HMX1: variants seen among roughly 807,000 people sequenced by gnomAD.
The protein encoded by HMX1 is H6 family homeobox 1, also known as homeobox protein HMX1.
In HMX1, 8 loss-of-function variants were observed where a neutral mutation model predicts 8.9. The ratio of observed to expected loss-of-function variants is 0.90; its 90% CI spans 0.53 to 1.63. The LOEUF is 1.63. Ranked by LOEUF, HMX1 falls within the 40% of genes most tolerant of loss-of-function variation. The probability of loss-of-function intolerance (pLI) is 0.00; values close to 1 mark genes in which losing one functional copy is unlikely to be tolerated. For synonymous variants in HMX1, 311 were observed against 283.4 expected, an observed-to-expected ratio of 1.10 and a Z score of -0.98; for missense variants, 621 against 558.5, an observed-to-expected ratio of 1.11 and a Z score of -1.13.
rs1430034583 is a variant in HMX1 at position 8,847,541 on chromosome 4, G to C, written c.395-1217C>G. On this transcript the variant is annotated intron_variant, in intron 1 of 1. Coordinates refer to the HMX1 transcript ENST00000506970. The surrounding 1 kb of genome is among the most constrained non-coding windows in gnomAD (Gnocchi z 6.0). ...ACAACTCCTGTCCCGAGAGCAGGCG[G>C]ACCTGAAGGAACATCGGCCAGACAC... Among the ~76,000 whole-genome samples the C allele has an allele frequency of 1.3e-5, 2 of 152,210 alleles. No homozygotes were observed. The highest frequency in any genetic ancestry group is 3.9e-4 in the East Asian group (2 of 5,178).
downstream of HMX1, among the ~76,000 whole-genome samples, chr4:8,864,930 A>T (rs1721947951): frequency 6.6e-6 from 1 of 152,210 alleles, no homozygotes; most frequent in Admixed American, 6.5e-5. Context: ...CACTCTCTCC[A>T]AATCTACCCT....
At chr4:8,866,932 G>T, downstream of HMX1, 1 of 320,628 alleles carries the variant, frequency 3.1e-6, no homozygotes, top group Non-Finnish European at 4.5e-6. Context: ...CCTGCACCTG[G>T]CCCAGCCCTG....
rs1722058003 is a variant in HMX1, at chr4:8,867,813, G to A, written c.927C>T (p.Ala309=). 2 of 1,226,998 alleles carry A rather than the reference G, an allele frequency of 1.6e-6. No homozygotes were observed. Among genetic ancestry groups the A allele is most frequent in the East Asian group, 3.3e-5 (1 of 30,328 alleles). 76.0% of individuals were successfully genotyped at this position (1,226,998 alleles called of 1,614,324 possible). A position where few individuals can be genotyped will look rare whatever the true frequency, so the allele number is the denominator to read the frequency against. Residue 309 remains alanine, a synonymous_variant, in exon 2 of 2, where the codon GCC becomes GCT. Transcript: ENST00000400677. Reference sequence around the variant, plus strand: ...GCAGCGGTGGGGGCGGCGCGGGCGCGGCGGGCGCCAGCGGGAAGGGCAGGG... The same window carrying A: ...GCAGCGGTGGGGGCGGCGCGGGCGCAGCGGGCGCCAGCGGGAAGGGCAGGG... ...PATLPFPLAP[A]APAPPPPLLG...
chr4:8,871,286 C>T lies in HMX1; in HGVS notation c.329G>A (p.Cys110Tyr). 1 of 1,462,762 alleles carries T rather than the reference C, an allele frequency of 6.8e-7. No homozygotes were observed. The highest frequency in any genetic ancestry group is 9.0e-7 in the Non-Finnish European group (1 of 1,114,074). The allele number at this position is 1,462,762 out of a possible 1,614,324, so 90.6% of individuals were successfully genotyped here. A position where few individuals can be genotyped will look rare whatever the true frequency, so the allele number is the denominator to read the frequency against. ...TGGGTACCAGCGCGCTGCGCCTCCG[C>T]AGCCCAGAGCGAAGGGCGGCCCGGG... The part of the protein sequence containing the change: ...PGPGPPFALG[C>Y]GGAARWYPRA... Residue 110 changes from cysteine (C) to tyrosine (Y), a missense_variant, in exon 1 of 2, where the codon TGC (cysteine) becomes TAC (tyrosine). Coordinates refer to ENST00000400677, the MANE Select transcript of HMX1 (RefSeq NM_018942.3). The surrounding 1 kb of genome is among the most constrained non-coding windows in gnomAD (Gnocchi z 4.8).
rs1420094114 is a variant in HMX1 at position 8,870,763 on chromosome 4, G to T, written c.394+458C>A. 6.7e-6 allele frequency among the ~76,000 whole-genome samples: 1 copy of T among 149,848 alleles called. No individual in the cohort carries two copies. The highest frequency in any genetic ancestry group is 2.5e-5 in the African/African-American group (1 of 40,500). On this transcript the variant is annotated intron_variant, in intron 1 of 1. Coordinates refer to ENST00000400677, the MANE Select transcript of HMX1 (RefSeq NM_018942.3). This position sits in a 1 kb window ranked among gnomAD's most constrained non-coding sequence, Gnocchi z 4.4. ...ATCTCTTCCTCCTCTTTTCTCTCTC[G>T]GATCACTCTTGGGTTTCTTTTTCCT...
chr4:8,868,201 G>A lies in HMX1; in HGVS notation c.539C>T (p.Ser180Leu). ...CGCCGCAGGGACCTCGGCCAGCTCC[G>A]ACGCCTCCTCCGTGCCGGCCGCCGG... Reference protein sequence around the residue: ...RGPAAGTEEASELAEVPAAAG... With the variant: ...RGPAAGTEEALELAEVPAAAG... Residue 180 changes from serine to leucine, a missense_variant, in exon 2 of 2, where the codon TCG (serine) becomes TTG (leucine). By Grantham distance (145) the Ser-to-Leu change is moderately radical. Transcript: ENST00000400677. This position sits in a 1 kb window ranked among gnomAD's most constrained non-coding sequence, Gnocchi z 4.6. 9 of 1,474,446 alleles carry A rather than the reference G, an allele frequency of 6.1e-6. No individual in the cohort carries two copies. The highest frequency in any genetic ancestry group is 1.5e-5 in the African/African-American group (1 of 68,452). 91.3% of individuals were successfully genotyped at this position (1,474,446 alleles called of 1,614,324 possible).
intron 1 of HMX1, chr4:8,846,436 C>T: frequency 1.3e-6 from 1 of 779,176 alleles, no homozygotes; most frequent in Non-Finnish European, 2.0e-6. Context: ...AAACCTGGCT[C>T]ACAGAGTGGT....
chr4:8,848,910 A>T lies in HMX1; in HGVS notation c.395-2586T>A, dbSNP rs778135808. Reference sequence around the variant, plus strand: ...AGCCTCACCTTCCAACTACAAAGAGAAAAATGTTCCCTCTGTGAAAAGGTG... The same window carrying T: ...AGCCTCACCTTCCAACTACAAAGAGTAAAATGTTCCCTCTGTGAAAAGGTG... On this transcript the variant is annotated intron_variant, in intron 1 of 1. Coordinates refer to the HMX1 transcript ENST00000506970. The surrounding 1 kb of genome is among the most constrained non-coding windows in gnomAD (Gnocchi z 4.1). Among the ~76,000 whole-genome samples the T allele has an allele frequency of 2.0e-5, 3 of 152,184 alleles. No homozygotes were observed. The highest frequency in any genetic ancestry group is 2.9e-5 in the Non-Finnish European group (2 of 68,040).
intron 1 of HMX1, among the ~76,000 whole-genome samples, chr4:8,858,145 G>A (rs1399556657): frequency 6.6e-6 from 1 of 152,096 alleles, no homozygotes; most frequent in Non-Finnish European, 1.5e-5. Context: ...CCGTCCATTT[G>A]GGGGAAATGG....
At position 8,871,504 on chromosome 4, in the gene HMX1, C is replaced by A; in HGVS notation, c.111G>T (p.Gln37His). ...AEAKGAGRAT[Q>H]GDGSREDEEE... ...CCTCGTCCTCCCGGCTGCCGTCGCCCTGGGTCGCGCGCCCTGCGCCCTTGG... is the reference window on the plus strand; with the variant it reads ...CCTCGTCCTCCCGGCTGCCGTCGCCATGGGTCGCGCGCCCTGCGCCCTTGG... The change falls in exon 1 of 2, where the codon CAG becomes CAT. Residue 37 changes from glutamine to histidine, a missense_variant. Physicochemically the swap from Gln to His is conservative, Grantham distance 24 (BLOSUM62 0). Transcript: ENST00000400677. This position sits in a 1 kb window ranked among gnomAD's most constrained non-coding sequence, Gnocchi z 4.8. 7.4e-7 allele frequency: 1 copy of A among 1,343,018 alleles called. No homozygotes were observed. Among genetic ancestry groups the A allele is most frequent in the Non-Finnish European group, 9.6e-7 (1 of 1,046,998 alleles). The allele number at this position is 1,343,018 out of a possible 1,614,324, so 83.2% of individuals were successfully genotyped here.
intron 1 of HMX1, among the ~76,000 whole-genome samples, chr4:8,857,382 A>C (rs1721641339): frequency 6.6e-6 from 1 of 151,928 alleles, no homozygotes; most frequent in Non-Finnish European, 1.5e-5. Context: ...CCCCCTCCCC[A>C]GGTAGGAGGC....
At position 8,852,265 on chromosome 4, in the gene HMX1, C is replaced by T. The variant is rs370872795; in HGVS notation, c.395-5941G>A. Among the ~76,000 whole-genome samples, 55 of 152,364 alleles carry T rather than the reference C, an allele frequency of 3.6e-4. No individual in the cohort carries two copies. In the East Asian group the frequency reaches 6.6e-3, roughly 18 times the overall value. ...CAGCAAGGCAGACATCCAGTGAACG[C>T]GGCTGCAGGGAGGTGTCGAACCTGC... is the stretch of plus-strand genomic sequence containing the variant. On this transcript the variant is annotated intron_variant, in intron 1 of 1. Coordinates refer to the HMX1 transcript ENST00000506970.
At chr4:8,860,149 G>A (rs981711028) in intron 1 of HMX1, among the ~76,000 whole-genome samples, 3 of 152,252 alleles carry the variant, frequency 2.0e-5, no homozygotes, top group African/African-American at 7.2e-5. Flanking sequence ...CCCCGGGTGC[G>A]CGCGGCGTGG....
chr4:8,862,606 T>C (rs375289514), downstream of HMX1, among the ~76,000 whole-genome samples: 24 of 152,342 alleles, frequency 1.6e-4, no homozygotes, highest in East Asian at 4.2e-3. Flanking sequence ...ATAACTTTTT[T>C]TAAAATAACA....
At chr4:8,865,554 C>T (rs993823859), downstream of HMX1, among the ~76,000 whole-genome samples, 4 of 151,926 alleles carry the variant, frequency 2.6e-5, no homozygotes, top group Non-Finnish European at 4.4e-5. Context: ...CGATGTGTCC[C>T]GGTGACTGGG....
rs1721377700 is a variant in HMX1, at chr4:8,849,490, C to T, written c.395-3166G>A. Among the ~76,000 whole-genome samples, 1 of 152,084 alleles carries T rather than the reference C, an allele frequency of 6.6e-6. No homozygotes were observed. The highest frequency in any genetic ancestry group is 1.5e-5 in the Non-Finnish European group (1 of 68,032). ...GGGCAGGAAGGGCTCTCCTCTAGAG[C>T]CTCTGGAGGGGCACAGCCCGACCGA... On this transcript the variant is annotated intron_variant, in intron 1 of 1. Coordinates refer to the HMX1 transcript ENST00000506970. The surrounding 1 kb of genome is among the most constrained non-coding windows in gnomAD (Gnocchi z 6.6).
At chr4:8,859,701 G>A (rs990374585) in intron 1 of HMX1, among the ~76,000 whole-genome samples, 4 of 152,196 alleles carry the variant, frequency 2.6e-5, no homozygotes, top group Non-Finnish European at 4.4e-5. Context: ...CTCTACACAC[G>A]TGCGTGGTCT....
chr4:8,871,651 C>T lies in HMX1; in HGVS notation c.-37G>A, dbSNP rs576169252. ...GCTTCTCGGGCTCGGCCGGGCTCCT[C>T]GGTCCCCGCTGGGGATGGTGGCGCG... On this transcript the variant is annotated 5_prime_UTR_variant, in exon 1 of 2. Coordinates refer to ENST00000400677, the MANE Select transcript of HMX1 (RefSeq NM_018942.3). This position sits in a 1 kb window ranked among gnomAD's most constrained non-coding sequence, Gnocchi z 4.8. 1.9e-5 allele frequency: 23 copies of T among 1,214,248 alleles called. 1 individual carries two copies. In the East Asian group the frequency reaches 7.3e-4, roughly 39 times the overall value. The allele number at this position is 1,214,248 out of a possible 1,614,324, so 75.2% of individuals were successfully genotyped here. A position where few individuals can be genotyped will look rare whatever the true frequency, so the allele number is the denominator to read the frequency against.
At position 8,867,121 on chromosome 4, in the gene HMX1, C is replaced by T; in HGVS notation, c.*572G>A. 3 of 985,516 alleles carry T rather than the reference C, an allele frequency of 3.0e-6. No homozygotes were observed. Among genetic ancestry groups the T allele is most frequent in the Non-Finnish European group, 3.6e-6 (3 of 829,968 alleles). The allele number at this position is 985,516 out of a possible 1,614,324, so 61.0% of individuals were successfully genotyped here. On this transcript the variant is annotated 3_prime_UTR_variant, in exon 2 of 2. Coordinates refer to ENST00000400677, the MANE Select transcript of HMX1 (RefSeq NM_018942.3). ...TAAAAAAACAACAACCCGGAGGCTG[C>T]GACGTCTGCAGAGAGCCCCAGCCTG...
Sources: gnomAD v4.1 joint callset for allele counts (sites outside exome capture counted in the v4.1 genomes callset) on GRCh38, gnomAD v4.1.1 for gene constraint, Gnocchi (gnomAD v3.1) non-coding constraint, MANE v1.5 for transcripts, NCBI Gene and HGNC (gene_info 2026-07-23, HGNC 2026-07-21) for gene names.